The following CBFA2T2 variants were observed in gnomAD, a reference collection of about 807,000 sequenced individuals.
The protein encoded by CBFA2T2 is protein CBFA2T2.
A neutral mutation model predicts 62.2 loss-of-function variants in CBFA2T2; 11 were observed. The observed-to-expected ratio is 0.18, with a 90% CI of 0.11 to 0.29. The LOEUF is 0.29. CBFA2T2 is among the 10% of genes least tolerant of loss of function. CBFA2T2 has a pLI of 1.00. For synonymous variants in CBFA2T2, 295 were observed against 287.5 expected, an observed-to-expected ratio of 1.03 and a Z score of -0.27; for missense variants, 592 against 774.1, an observed-to-expected ratio of 0.76 and a Z score of 2.79.
intron 3 of CBFA2T2, among the ~76,000 whole-genome samples, chr20:33,619,193 A>C (rs1395687702): frequency 6.6e-6 from 1 of 152,142 alleles, no homozygotes; most frequent in Non-Finnish European, 1.5e-5. Context: ...TAGACAACAT[A>C]GCGAGACTGC....
At chr20:33,608,296 A>G (rs1184068618) in intron 2 of CBFA2T2, among the ~76,000 whole-genome samples, 2 of 152,204 alleles carry the variant, frequency 1.3e-5, no homozygotes, top group Non-Finnish European at 2.9e-5. Context: ...ATGTACTGCT[A>G]TTTTTGGAAT....
chr20:33,594,852 C>A (rs2014818481), intron 1 of CBFA2T2, among the ~76,000 whole-genome samples: 1 of 152,140 alleles, frequency 6.6e-6, no homozygotes, highest in African/African-American at 2.4e-5. Flanking sequence ...GGCTTCCATA[C>A]AAAGGCAAGA....
chr20:33,644,735 G>C lies in CBFA2T2; in HGVS notation c.*89G>C. 1 of 1,367,978 alleles carries C rather than the reference G, an allele frequency of 7.3e-7. No individual in the cohort carries two copies. Among genetic ancestry groups the C allele is most frequent in the Non-Finnish European group, 1.0e-6 (1 of 1,000,284 alleles). 84.7% of individuals were successfully genotyped at this position (1,367,978 alleles called of 1,614,324 possible). A position where few individuals can be genotyped will look rare whatever the true frequency, so the allele number is the denominator to read the frequency against. On this transcript the variant is annotated 3_prime_UTR_variant, in exon 11 of 11. Transcript: ENST00000342704. ...ACTGTTGGAACCCGTGCATGTAGCT[G>C]CCGGGTCATCAGCAAGAAATGAATT...
At chr20:33,584,675 G>T (rs149065178) in intron 1 of CBFA2T2, among the ~76,000 whole-genome samples, 1 of 152,096 alleles carries the variant, frequency 6.6e-6, no homozygotes, top group Admixed American at 6.6e-5. Context: ...GATGATGGTG[G>T]TCATGATGGC....
chr20:33,644,713 G>T lies in CBFA2T2; in HGVS notation c.*67G>T. On this transcript the variant is annotated 3_prime_UTR_variant, in exon 11 of 11. Coordinates refer to ENST00000342704, the MANE Select transcript of CBFA2T2 (RefSeq NM_001032999.3). ...GAGTGCTTGGGCTGAGGGACTGACT[G>T]TTGGAACCCGTGCATGTAGCTGCCG... 1.3e-6 allele frequency: 2 copies of T among 1,490,956 alleles called. No homozygotes were observed. Among genetic ancestry groups the T allele is most frequent in the East Asian group, 4.6e-5 (2 of 43,822 alleles). 92.4% of individuals were successfully genotyped at this position (1,490,956 alleles called of 1,614,324 possible).
chr20:33,508,523 T>A (rs957632442), intron 1 of CBFA2T2, among the ~76,000 whole-genome samples: 4 of 152,136 alleles, frequency 2.6e-5, no homozygotes, highest in African/African-American at 4.8e-5. Flanking sequence ...GATTACTTCC[T>A]CACCCAGGTA....
At chr20:33,503,090 CAAAAAAAAAAAAAA>C (rs35577702) in intron 1 of CBFA2T2, among the ~76,000 whole-genome samples, 3 of 52,828 alleles carry the variant, frequency 5.7e-5, no homozygotes, top group African/African-American at 2.3e-4. Context: ...GACTCTGTCT[CAAAAAAAAAAAAAA>C]AAAAAAAAAA....
chr20:33,517,131 CAGTT>C, intron 1 of CBFA2T2, among the ~76,000 whole-genome samples: 1 of 152,306 alleles, frequency 6.6e-6, no homozygotes, highest in East Asian at 1.9e-4. Flanking sequence ...CATTTTGGAG[CAGTT>C]AGTTCTTGCA....
intron 1 of CBFA2T2, among the ~76,000 whole-genome samples, chr20:33,595,219 A>T (rs1210261835): frequency 1.3e-5 from 2 of 151,028 alleles, no homozygotes; most frequent in Non-Finnish European, 3.0e-5. Flanking sequence ...ACTTGAAAAA[A>T]TTTTTTTTTT....
chr20:33,640,246 T>A (rs1291810996), intron 9 of CBFA2T2, 95 bp from the exon 10 acceptor site: 14 of 1,120,290 alleles, frequency 1.2e-5, no homozygotes, highest in Non-Finnish European at 1.8e-5. Flanking sequence ...TTAGAAAAGA[T>A]CACTTTGTGT....
chr20:33,547,706 TGTG>T (rs2012621233), intron 1 of CBFA2T2, among the ~76,000 whole-genome samples: 1 of 150,936 alleles, frequency 6.6e-6, no homozygotes, highest in African/African-American at 2.5e-5. Flanking sequence ...TGTGTGTGTG[TGTG>T]TGTGTGTGTG....
intron 1 of CBFA2T2, among the ~76,000 whole-genome samples, chr20:33,542,966 A>G (rs1370059828): frequency 1.3e-5 from 2 of 152,054 alleles, no homozygotes; most frequent in Non-Finnish European, 2.9e-5. Flanking sequence ...ATGCCCGGCT[A>G]TTTCTTACTA....
intron 1 of CBFA2T2, among the ~76,000 whole-genome samples, chr20:33,601,123 T>C (rs2015115580): frequency 6.6e-6 from 1 of 152,070 alleles, no homozygotes; most frequent in South Asian, 2.1e-4. Context: ...CCTAAAATGA[T>C]AAGCCTCCCC....
intron 1 of CBFA2T2, among the ~76,000 whole-genome samples, chr20:33,496,996 G>A (rs977149113): frequency 1.3e-5 from 2 of 152,014 alleles, no homozygotes; most frequent in African/African-American, 4.8e-5. Context: ...CCTCTCGGCC[G>A]GGTGCGGTGG....
At chr20:33,555,496 T>C (rs1206752457) in intron 1 of CBFA2T2, among the ~76,000 whole-genome samples, 1 of 152,230 alleles carries the variant, frequency 6.6e-6, no homozygotes, top group Non-Finnish European at 1.5e-5. Flanking sequence ...CTTGCAACTT[T>C]CTATAAGTTG....
chr20:33,537,870 C>T (rs1037637948), intron 1 of CBFA2T2, among the ~76,000 whole-genome samples: 6 of 151,800 alleles, frequency 4.0e-5, no homozygotes, highest in African/African-American at 1.2e-4. Flanking sequence ...ATGCCTGTAC[C>T]ACACTGTTTT....
intron 1 of CBFA2T2, among the ~76,000 whole-genome samples, chr20:33,534,480 T>G (rs1293429776): frequency 6.6e-6 from 1 of 151,898 alleles, no homozygotes; most frequent in African/African-American, 2.4e-5. Context: ...GCCCGGCTAA[T>G]TTTTGTATTT....
chr20:33,641,709 A>G (rs757350748), intron 10 of CBFA2T2, among the ~76,000 whole-genome samples: 1 of 152,108 alleles, frequency 6.6e-6, no homozygotes, highest in African/African-American at 2.4e-5. Flanking sequence ...CAGCCTCCCA[A>G]GTAGCTTGGA....
At chr20:33,604,843 C>G (rs911881895) in intron 1 of CBFA2T2, among the ~76,000 whole-genome samples, 10 of 152,194 alleles carry the variant, frequency 6.6e-5, no homozygotes, top group Non-Finnish European at 1.3e-4. Context: ...TTCCAGAAAG[C>G]TGGGCCCCAG....
Sources: allele counts gnomAD v4.1 joint callset (sites outside exome capture counted in the v4.1 genomes callset), GRCh38; gene constraint gnomAD v4.1.1; transcripts MANE v1.5; gene names NCBI Gene and HGNC (gene_info 2026-07-23, HGNC 2026-07-21).